Variants in ADAMTS5 observed in about 807,000 individuals in gnomAD.
ADAMTS5 encodes the protein ADAM metallopeptidase with thrombospondin type 1 motif 5.
ADAMTS5 carries 54 observed loss-of-function variants against 81.4 expected under a neutral mutation model. That is an observed-to-expected ratio of 0.66 (90% CI 0.53 to 0.83). The LOEUF (loss-of-function observed/expected upper bound fraction) is 0.83. Ranked by LOEUF, ADAMTS5 falls within the 40% of genes least tolerant of loss-of-function variation. The probability of loss-of-function intolerance (pLI) is 0.00; values close to 1 mark genes in which losing one functional copy is unlikely to be tolerated. For synonymous variants in ADAMTS5, 532 were observed against 508.8 expected, an observed-to-expected ratio of 1.05 and a Z score of -0.61; for missense variants, 1,194 against 1,229.9, an observed-to-expected ratio of 0.97 and a Z score of 0.44.
chr21:26,930,338 C>T (rs190546556), intron 6 of ADAMTS5, among the ~76,000 whole-genome samples: 5 of 152,292 alleles, frequency 3.3e-5, no homozygotes, highest in Admixed American at 2.0e-4. Flanking sequence ...TACTCATCTT[C>T]GTTTTTGTAT....
At chr21:26,938,672 G>A (rs904412888) in intron 3 of ADAMTS5, among the ~76,000 whole-genome samples, 1 of 152,180 alleles carries the variant, frequency 6.6e-6, no homozygotes, top group African/African-American at 2.4e-5. Flanking sequence ...TGGGATTACA[G>A]GCATGCGCCA....
rs149804004 is a variant in ADAMTS5, at chr21:26,934,547, C to T, written c.1608G>A (p.Ala536=). 2.1e-5 allele frequency: 34 copies of T among 1,614,064 alleles called. No individual in the cohort carries two copies. The African/African-American group carries it at 2.3e-4, about 11-fold the overall frequency. The change falls in exon 4 of 8, where the codon GCG becomes GCA. Residue 536 remains alanine (A), a synonymous_variant. Coordinates refer to ENST00000284987, the MANE Select transcript of ADAMTS5 (RefSeq NM_007038.5). ...CCTTTCCACAAGGCGTCCCTTCCAC[C>T]GCAGGCAGCTTCTTGGTCAGACAGA... ...QMVCLTKKLP[A]VEGTPCGKGR... is the part of the protein sequence containing the mutation.
Position 26,943,478 on chromosome 21 carries a change from T to C in ADAMTS5, c.1307A>G (p.Lys436Arg), listed in dbSNP as rs1177706011. 1 of 1,613,798 alleles carries C rather than the reference T, an allele frequency of 6.2e-7. No individual in the cohort carries two copies. Among genetic ancestry groups the C allele is most frequent in the Non-Finnish European group, 8.5e-7 (1 of 1,179,774 alleles). ...CEETFGSTED[K>R]RLMSSILTSI... ...GGTAAGGATGGAAGACATTAAGCGC[T>C]TATCTTCTGTGGAACCAAAGGTCTC... Residue 436 changes from lysine (K) to arginine (R), a missense_variant, in exon 3 of 8, where the codon AAG becomes AGG. Coordinates refer to ENST00000284987, the MANE Select transcript of ADAMTS5 (RefSeq NM_007038.5).
intron 2 of ADAMTS5, among the ~76,000 whole-genome samples, chr21:26,951,067 C>T (rs868392471): frequency 3.9e-5 from 6 of 152,072 alleles, no homozygotes; most frequent in Non-Finnish European, 7.4e-5. Context: ...CCCTATGTTG[C>T]CCAGGCTGTT....
chr21:26,956,385 A>C (rs1368723408), intron 1 of ADAMTS5, among the ~76,000 whole-genome samples: 1 of 152,218 alleles, frequency 6.6e-6, no homozygotes, highest in East Asian at 1.9e-4. Context: ...AGCCTTGGTT[A>C]ATCATGTCAC....
At chr21:26,957,740 G>T (rs1987455796) in intron 1 of ADAMTS5, among the ~76,000 whole-genome samples, 1 of 152,098 alleles carries the variant, frequency 6.6e-6, no homozygotes, top group Non-Finnish European at 1.5e-5. Context: ...TTTATCTAGT[G>T]GTTTTGTGGT....
Position 26,966,943 on chromosome 21 carries a change from C to G in ADAMTS5, c.-552G>C, listed in dbSNP as rs369763607. ...AGGGAAGAAAGAGAGGGGAAAAAGC[C>G]GTAAAAATTAAAACAAAAATGCAGG... On this transcript the variant is annotated 5_prime_UTR_variant, in exon 1 of 8. Transcript: ENST00000284987. 5.9e-5 allele frequency among the ~76,000 whole-genome samples: 9 copies of G among 152,082 alleles called. No homozygotes were observed. The South Asian group carries it at 1.2e-3, about 21-fold the overall frequency.
intron 3 of ADAMTS5, among the ~76,000 whole-genome samples, chr21:26,935,729 C>T (rs1380120896): frequency 6.6e-6 from 1 of 152,138 alleles, no homozygotes; most frequent in Non-Finnish European, 1.5e-5. Flanking sequence ...TCTTCCTCTC[C>T]TTCCCCTCCC....
intron 5 of ADAMTS5, among the ~76,000 whole-genome samples, chr21:26,932,503 C>T (rs1279930636): frequency 2.0e-5 from 3 of 151,802 alleles, no homozygotes; most frequent in African/African-American, 7.3e-5. Flanking sequence ...ACCAGTCTGG[C>T]CAACATAGTG....
intron 3 of ADAMTS5, among the ~76,000 whole-genome samples, chr21:26,943,101 A>G (rs1987144172): frequency 6.6e-6 from 1 of 152,194 alleles, no homozygotes; most frequent in South Asian, 2.1e-4. Flanking sequence ...TAAAAGCCAG[A>G]CTTTCAGGGC....
rs980656450 is a variant in ADAMTS5 at position 26,922,190 on chromosome 21, T to G, written c.*1863A>C. ...GTGATAATTTATTGAGAAAAAAAAT[T>G]TCTACGTCAAAAGCAAAGTCAGTCT... On this transcript the variant is annotated 3_prime_UTR_variant, in exon 8 of 8. Coordinates refer to ENST00000284987, the MANE Select transcript of ADAMTS5 (RefSeq NM_007038.5). 5.3e-5 allele frequency: 8 copies of G among 152,038 alleles called. No individual in the cohort carries two copies. Among genetic ancestry groups the G allele is most frequent in the Non-Finnish European group, 1.5e-5 (1 of 67,934 alleles). 9.4% of individuals were successfully genotyped at this position (152,038 alleles called of 1,614,324 possible).
At chr21:26,949,814 C>T (rs570289469) in intron 2 of ADAMTS5, among the ~76,000 whole-genome samples, 12 of 152,252 alleles carry the variant, frequency 7.9e-5, no homozygotes, top group South Asian at 2.1e-4. Flanking sequence ...AATGGGTTTG[C>T]GGGAAAATAT....
chr21:26,958,003 A>G (rs990544254), intron 1 of ADAMTS5, among the ~76,000 whole-genome samples: 2 of 152,198 alleles, frequency 1.3e-5, no homozygotes. Context: ...CCAGTAAAGG[A>G]TGCTGCCTTG....
intron 3 of ADAMTS5, among the ~76,000 whole-genome samples, chr21:26,936,705 C>T (rs1479025763): frequency 6.6e-6 from 1 of 152,046 alleles, no homozygotes; most frequent in African/African-American, 2.4e-5. Context: ...AATAAGAATC[C>T]AGCCAAAGAG....
At chr21:26,959,459 A>G (rs1987486109) in intron 1 of ADAMTS5, among the ~76,000 whole-genome samples, 1 of 152,186 alleles carries the variant, frequency 6.6e-6, no homozygotes, top group South Asian at 2.1e-4. Flanking sequence ...TCAAACCTGT[A>G]TCTAAACACT....
At chr21:26,931,228 G>A (rs2123171577) in intron 6 of ADAMTS5, among the ~76,000 whole-genome samples, 1 of 152,172 alleles carries the variant, frequency 6.6e-6, no homozygotes, top group Non-Finnish European at 1.5e-5. Flanking sequence ...TGTATTTTTA[G>A]TAGAGACAGG....
chr21:26,966,936 A>G lies in ADAMTS5; in HGVS notation c.-545T>C, dbSNP rs975560797. Reference sequence around the variant, plus strand: ...AGGAGGAAGGGAAGAAAGAGAGGGGAAAAAGCCGTAAAAATTAAAACAAAA... The same window carrying G: ...AGGAGGAAGGGAAGAAAGAGAGGGGGAAAAGCCGTAAAAATTAAAACAAAA... On this transcript the variant is annotated 5_prime_UTR_variant, in exon 1 of 8. Transcript: ENST00000284987. Among the ~76,000 whole-genome samples the G allele has an allele frequency of 2.4e-4, 36 of 152,018 alleles. No individual in the cohort carries two copies. Among genetic ancestry groups the G allele is most frequent in the African/African-American group, 7.0e-4 (29 of 41,398 alleles).
intron 3 of ADAMTS5, chr21:26,939,664 T>C (rs189964245): frequency 6.6e-6 from 1 of 152,376 alleles, no homozygotes; most frequent in African/African-American, 2.4e-5. Flanking sequence ...TGTATCTACA[T>C]AAGTCATGGC....
intron 1 of ADAMTS5, among the ~76,000 whole-genome samples, chr21:26,955,752 T>G (rs1423440550): frequency 1.3e-5 from 2 of 152,210 alleles, no homozygotes; most frequent in Admixed American, 1.3e-4. Flanking sequence ...ATTTGAGTAT[T>G]AATGGACATT....
Sources: gnomAD v4.1 joint callset for allele counts (sites outside exome capture counted in the v4.1 genomes callset) on GRCh38, gnomAD v4.1.1 for gene constraint, MANE v1.5 for transcripts, NCBI Gene and HGNC (gene_info 2026-07-23, HGNC 2026-07-21) for gene names.